Variants in CLEC16A observed in about 807,000 individuals in gnomAD.
The protein encoded by CLEC16A is protein CLEC16A.
Under a neutral mutation model 109.5 loss-of-function variants are expected in CLEC16A, and 51 were observed. That is an observed-to-expected ratio of 0.47 (90% CI 0.37 to 0.59). The LOEUF is 0.59. Ranked by LOEUF, CLEC16A falls within the 20% of genes least tolerant of loss-of-function variation. The pLI, the probability that CLEC16A is intolerant of heterozygous loss-of-function variation, is 0.00. For synonymous variants in CLEC16A, 673 were observed against 564.2 expected (o/e 1.19, Z -2.73); for missense variants, 1,339 against 1,394.0 (o/e 0.96, Z 0.63).
chr16:11,010,373 T>C (rs866392166), intron 11 of CLEC16A, among the ~76,000 whole-genome samples: 1 of 152,236 alleles, frequency 6.6e-6, no homozygotes, highest in Non-Finnish European at 1.5e-5. Flanking sequence ...TTGTAGTTGC[T>C]TTCTATTTAT....
intron 22 of CLEC16A, among the ~76,000 whole-genome samples, chr16:11,129,827 G>A (rs2053077634): frequency 1.3e-5 from 2 of 149,204 alleles, no homozygotes; most frequent in Non-Finnish European, 3.0e-5. Context: ...CAGTGGCACA[G>A]TCTTGGCTCA....
intron 13 of CLEC16A, chr16:11,026,888 C>T: frequency 1.4e-6 from 1 of 734,930 alleles, no homozygotes; most frequent in Non-Finnish European, 2.3e-6. Flanking sequence ...CAATGGCTCA[C>T]TATGGCTAAG....
chr16:11,056,805 C>CT (rs1567255864), intron 18 of CLEC16A: 4 of 152,228 alleles, frequency 2.6e-5, no homozygotes, highest in Admixed American at 2.0e-4. Flanking sequence ...ACTTAGACAT[C>CT]TTTTGTGCTC....
At position 11,180,702 on chromosome 16, in the gene CLEC16A, C is replaced by A. The variant is rs2068929131; in HGVS notation, c.*2012C>A. On this transcript the variant is annotated 3_prime_UTR_variant, in exon 24 of 24. Transcript: ENST00000409790. ...GTGGGGCAGCAGAAACTAGAGAAGG[C>A]AAGTGGCTGCCCCACCCCAAGGCGT... The A allele has an allele frequency of 6.6e-6, 1 of 152,260 alleles. No homozygotes were observed. Among genetic ancestry groups the A allele is most frequent in the South Asian group, 2.1e-4 (1 of 4,834 alleles). The allele number at this position is 152,260 out of a possible 1,614,324, so 9.4% of individuals were successfully genotyped here. A position where few individuals can be genotyped will look rare whatever the true frequency, so the allele number is the denominator to read the frequency against.
rs549180183 is a variant in CLEC16A at position 11,004,314 on chromosome 16, A to G, written c.1303+1009A>G. Among the ~76,000 whole-genome samples the G allele has an allele frequency of 8.5e-5, 13 of 152,258 alleles. No homozygotes were observed. In the East Asian group the frequency reaches 2.3e-3, roughly 27 times the overall value. On this transcript the variant is annotated intron_variant, in intron 11 of 23. Transcript: ENST00000409790. ...GGGGTCTCTGCCCGTCGTCCTGGGC[A>G]CTGGGGCTGGGGGCAGCGGGAAGTG...
At chr16:10,965,104 TAGATTCTCCCTGTAATTG>T (rs1429385435) in intron 3 of CLEC16A, among the ~76,000 whole-genome samples, 2 of 152,190 alleles carry the variant, frequency 1.3e-5, no homozygotes, top group African/African-American at 2.4e-5. Context: ...TTGACTGTCT[TAGATTCTCCCTGTAATTG>T]AGATCATGCA....
At chr16:11,067,591 G>A (rs1249859184) in intron 19 of CLEC16A, among the ~76,000 whole-genome samples, 1 of 152,182 alleles carries the variant, frequency 6.6e-6, no homozygotes, top group Non-Finnish European at 1.5e-5. Context: ...GGCATATCAA[G>A]TGTTCAGGGT....
intron 19 of CLEC16A, among the ~76,000 whole-genome samples, chr16:11,092,101 A>C (rs1383757055): frequency 6.6e-6 from 1 of 152,066 alleles, no homozygotes; most frequent in Non-Finnish European, 1.5e-5. Context: ...TTTATCCAGC[A>C]CTTTGGGAGG....
intron 19 of CLEC16A, among the ~76,000 whole-genome samples, chr16:11,111,877 A>G (rs2051609347): frequency 6.6e-6 from 1 of 152,264 alleles, no homozygotes; most frequent in Non-Finnish European, 1.5e-5. Flanking sequence ...TTTTAATAGA[A>G]TACAAATGTT....
chr16:11,169,761 A>G (rs1171461149), intron 23 of CLEC16A, among the ~76,000 whole-genome samples: 2 of 152,218 alleles, frequency 1.3e-5, no homozygotes, highest in Non-Finnish European at 2.9e-5. Flanking sequence ...CTGTTTTGAC[A>G]GTTGGTGTGG....
chr16:11,104,729 C>T (rs1296899326), intron 19 of CLEC16A, among the ~76,000 whole-genome samples: 1 of 152,186 alleles, frequency 6.6e-6, no homozygotes, highest in Non-Finnish European at 1.5e-5. Context: ...GTAGGGGTGT[C>T]CTCATTTTTC....
At chr16:11,066,408 G>C (rs1169344963) in intron 19 of CLEC16A, 1 of 152,498 alleles carries the variant, frequency 6.6e-6, no homozygotes, top group Non-Finnish European at 1.5e-5. Context: ...GGGCTGGGAG[G>C]ATGGTGATTC....
chr16:11,021,260 A>G (rs978626488), intron 12 of CLEC16A, among the ~76,000 whole-genome samples: 2 of 152,194 alleles, frequency 1.3e-5, no homozygotes, highest in African/African-American at 4.8e-5. Flanking sequence ...ATTAATTTTT[A>G]TCAGATGTGC....
chr16:10,988,353 TG>T (rs2043797017), intron 10 of CLEC16A, among the ~76,000 whole-genome samples: 1 of 152,148 alleles, frequency 6.6e-6, no homozygotes, highest in Non-Finnish European at 1.5e-5. Context: ...ATGAGGGATG[TG>T]GTGGTGCACT....
intron 10 of CLEC16A, among the ~76,000 whole-genome samples, chr16:10,983,290 A>C (rs1054844304): frequency 6.6e-6 from 1 of 152,210 alleles, no homozygotes; most frequent in African/African-American, 2.4e-5. Context: ...AAAATGCCTT[A>C]TCAGAGGAAC....
rs866101239 is a variant in CLEC16A at position 11,114,501 on chromosome 16, T to G, written c.2117-6114T>G. On this transcript the variant is annotated intron_variant, in intron 19 of 23. Transcript: ENST00000409790. ...TGCCACATACCACGACAGAGCCGTC[T>G]GCCACCAAGTCCTTCCCATGGTACC... 3.9e-5 allele frequency among the ~76,000 whole-genome samples: 6 copies of G among 152,166 alleles called. No homozygotes were observed. The East Asian group carries it at 9.6e-4, about 24-fold the overall frequency.
At chr16:11,135,784 C>T (rs552883688) in intron 22 of CLEC16A, among the ~76,000 whole-genome samples, 17 of 152,342 alleles carry the variant, frequency 1.1e-4, no homozygotes, top group South Asian at 2.1e-4. Flanking sequence ...GCAGCCATGC[C>T]GGCAGCACAG....
intron 19 of CLEC16A, among the ~76,000 whole-genome samples, chr16:11,096,082 C>T (rs2050596250): frequency 6.6e-6 from 1 of 152,022 alleles, no homozygotes; most frequent in Non-Finnish European, 1.5e-5. Context: ...GCATGTAATC[C>T]CAGTTACTTT....
At chr16:11,078,775 C>T (rs1284924112) in intron 19 of CLEC16A, among the ~76,000 whole-genome samples, 1 of 152,134 alleles carries the variant, frequency 6.6e-6, no homozygotes, top group Non-Finnish European at 1.5e-5. Flanking sequence ...AAGGGATAGG[C>T]AGGAAGAGCC....
Sources: allele counts gnomAD v4.1 joint callset (sites outside exome capture counted in the v4.1 genomes callset), GRCh38; gene constraint gnomAD v4.1.1; transcripts MANE v1.5; gene names NCBI Gene and HGNC (gene_info 2026-07-23, HGNC 2026-07-21).